Variants in IL36B observed in about 807,000 individuals in gnomAD.
IL36B encodes interleukin-36 beta.
In IL36B, 23 loss-of-function variants were observed where a neutral mutation model predicts 19.3. That is an observed-to-expected ratio of 1.19 (90% CI 0.86 to 1.69). The LOEUF (loss-of-function observed/expected upper bound fraction) is 1.69. IL36B is among the 40% of genes most tolerant of loss of function. The pLI is 0.00. For synonymous variants in IL36B, 59 were observed against 59.7 expected, an observed-to-expected ratio of 0.99 and a Z score of 0.05; for missense variants, 217 against 200.5, an observed-to-expected ratio of 1.08 and a Z score of -0.50.
At chr2:113,047,277 G>C (rs1334819953) in intron 1 of IL36B, among the ~76,000 whole-genome samples, 1 of 151,940 alleles carries the variant, frequency 6.6e-6, no homozygotes, top group African/African-American at 2.4e-5. Context: ...AAGGGTGTTG[G>C]GTACTTTTGT....
At chr2:113,023,910 T>C (rs774493591) in intron 5 of IL36B, among the ~76,000 whole-genome samples, 11 of 152,190 alleles carry the variant, frequency 7.2e-5, no homozygotes, top group Non-Finnish European at 1.2e-4. Flanking sequence ...ATAAACTTAT[T>C]GACCTAAGTG....
chr2:113,042,744 A>G (rs1411923289), intron 1 of IL36B, among the ~76,000 whole-genome samples: 1 of 152,258 alleles, frequency 6.6e-6, no homozygotes, highest in Non-Finnish European at 1.5e-5. Flanking sequence ...TAGAGCTACT[A>G]TGAACATTGA....
intron 1 of IL36B, among the ~76,000 whole-genome samples, chr2:113,032,601 A>G (rs1685097253): frequency 6.6e-6 from 1 of 152,178 alleles, no homozygotes; most frequent in Non-Finnish European, 1.5e-5. Flanking sequence ...TTCGAGGCTA[A>G]ACACAGAGAC....
intron 1 of IL36B, among the ~76,000 whole-genome samples, chr2:113,043,831 G>A (rs182635777): frequency 2.4e-3 from 359 of 152,298 alleles, no homozygotes; most frequent in Non-Finnish European, 3.9e-3. Flanking sequence ...TGGAATTACA[G>A]GTGTGAGCCA....
At chr2:113,031,852 A>C in intron 1 of IL36B, 86 bp from the exon 2 acceptor site, 1 of 686,910 alleles carries the variant, frequency 1.5e-6, no homozygotes, top group South Asian at 1.7e-5. Flanking sequence ...TACTGTAAAA[A>C]TTCTTTAGAG....
At chr2:113,040,600 G>T (rs1272248936) in intron 1 of IL36B, among the ~76,000 whole-genome samples, 1 of 152,020 alleles carries the variant, frequency 6.6e-6, no homozygotes, top group Non-Finnish European at 1.5e-5. Context: ...CTGGCAGCAG[G>T]CTATCAGAAA....
intron 5 of IL36B, among the ~76,000 whole-genome samples, chr2:113,023,499 G>A (rs781400945): frequency 6.6e-6 from 1 of 152,168 alleles, no homozygotes; most frequent in South Asian, 2.1e-4. Flanking sequence ...CTGCTAAACT[G>A]TACGAGCAAT....
intron 5 of IL36B, chr2:113,022,834 C>T: frequency 8.3e-7 from 1 of 1,204,658 alleles, no homozygotes; most frequent in Non-Finnish European, 1.2e-6. Context: ...TTTGCTAAAC[C>T]ACCAATTGAA....
intron 3 of IL36B, among the ~76,000 whole-genome samples, chr2:113,030,390 G>A (rs1019264267): frequency 2.6e-5 from 4 of 152,186 alleles, no homozygotes; most frequent in African/African-American, 9.7e-5. Flanking sequence ...AGTAGGAAGA[G>A]TAATCCAGAT....
intron 1 of IL36B, among the ~76,000 whole-genome samples, chr2:113,044,165 A>G (rs1685306159): frequency 6.6e-6 from 1 of 151,986 alleles, no homozygotes; most frequent in Non-Finnish European, 1.5e-5. Context: ...TAAAATTTTC[A>G]GTGTGTCAGT....
rs187035339 is a variant in IL36B at position 113,028,930 on chromosome 2, A to G, written c.261+9T>C. Reference sequence around the variant, plus strand: ...CAGTACTTCTCTCGTTAGCTGCACAATCACTCACCTTAAGCTGCAAAGTAG... The same window carrying G: ...CAGTACTTCTCTCGTTAGCTGCACAGTCACTCACCTTAAGCTGCAAAGTAG... On this transcript the variant is annotated intron_variant, in intron 4 of 5. Coordinates refer to ENST00000259213, the MANE Select transcript of IL36B (RefSeq NM_014438.5). 600 of 1,612,900 alleles carry G rather than the reference A, an allele frequency of 3.7e-4. No individual in the cohort carries two copies. Among genetic ancestry groups the G allele is most frequent in the Non-Finnish European group, 4.9e-4 (577 of 1,179,574 alleles).
At chr2:113,048,795 G>A (rs1276276834) in intron 1 of IL36B, among the ~76,000 whole-genome samples, 1 of 151,966 alleles carries the variant, frequency 6.6e-6, no homozygotes, top group Non-Finnish European at 1.5e-5. Context: ...ACTTTAGAAG[G>A]GTAATAAGAG....
intron 1 of IL36B, among the ~76,000 whole-genome samples, chr2:113,045,495 C>G (rs1029372787): frequency 6.6e-6 from 1 of 151,982 alleles, no homozygotes; most frequent in Non-Finnish European, 1.5e-5. Flanking sequence ...CTTCTTGAAC[C>G]TGTGTTTATG....
At chr2:113,027,675 G>T in intron 4 of IL36B, 1 of 1,376,636 alleles carries the variant, frequency 7.3e-7, no homozygotes, top group Non-Finnish European at 9.4e-7. Context: ...GATCAAGAAA[G>T]AATGGAAAGT....
intron 1 of IL36B, among the ~76,000 whole-genome samples, chr2:113,039,181 C>T (rs1685204285): frequency 1.3e-5 from 2 of 152,142 alleles, no homozygotes; most frequent in South Asian, 2.1e-4. Flanking sequence ...AGGATATAGT[C>T]GGTGTCTGCT....
At position 113,026,123 on chromosome 2, in the gene IL36B, T is replaced by G; in HGVS notation, c.371A>C (p.Asp124Ala). The stretch of plus-strand genomic sequence containing the variant: ...CTCACCCACTCCTATTCCCCATTGG[T>G]CAAGGGTTCCCATGAAGCAGCTCTC... The change falls in exon 5 of 6, where the codon GAC (aspartate) becomes GCC (alanine). Residue 124 changes from aspartate to alanine, a missense_variant. Asp to Ala is a moderately radical substitution (Grantham distance 126). Transcript: ENST00000259213. 6.2e-7 allele frequency: 1 copy of G among 1,613,782 alleles called. No homozygotes were observed. The highest frequency in any genetic ancestry group is 8.5e-7 in the Non-Finnish European group (1 of 1,179,784).
chr2:113,026,027 C>T lies in IL36B; in HGVS notation c.391+76G>A, dbSNP rs1573364289. 2.6e-6 allele frequency: 4 copies of T among 1,555,704 alleles called. No individual in the cohort carries two copies. The East Asian group carries it at 7.1e-5, about 28-fold the overall frequency. The stretch of plus-strand genomic sequence containing the variant: ...ATTATGTCTCAATACTGCTGGGATC[C>T]TCTGAGGAACCATGAAGAATGAACG... On this transcript the variant is annotated intron_variant, in intron 5 of 5. Coordinates refer to ENST00000259213, the MANE Select transcript of IL36B (RefSeq NM_014438.5).
At chr2:113,050,580 C>T (rs1474530556) in intron 1 of IL36B, among the ~76,000 whole-genome samples, 1 of 152,098 alleles carries the variant, frequency 6.6e-6, no homozygotes, top group Non-Finnish European at 1.5e-5. Context: ...GAACTGTACA[C>T]TTAAAAATGG....
At chr2:113,023,599 G>T (rs903456225) in intron 5 of IL36B, among the ~76,000 whole-genome samples, 2 of 152,186 alleles carry the variant, frequency 1.3e-5, no homozygotes, top group Non-Finnish European at 2.9e-5. Context: ...GTCTTTGCTA[G>T]TCTCTGTCTC....
Sources: gnomAD v4.1 joint callset for allele counts (sites outside exome capture counted in the v4.1 genomes callset) on GRCh38, gnomAD v4.1.1 for gene constraint, MANE v1.5 for transcripts, NCBI Gene and HGNC (gene_info 2026-07-23, HGNC 2026-07-21) for gene names.